The following CSGALNACT1 variants were observed in gnomAD, a reference collection of about 807,000 sequenced individuals.
CSGALNACT1 encodes the protein beta4GalNAcT-1.
CSGALNACT1 carries 52 observed loss-of-function variants against 51.0 expected under a neutral mutation model. That is an observed-to-expected ratio of 1.02 (90% CI 0.82 to 1.29). The LOEUF is 1.29. Ranked by LOEUF, CSGALNACT1 falls within the 50% of genes most tolerant of loss-of-function variation. CSGALNACT1 has a pLI of 0.00. For synonymous variants in CSGALNACT1, 341 were observed against 254.4 expected, an observed-to-expected ratio of 1.34 and a Z score of -3.24; for missense variants, 935 against 679.2, an observed-to-expected ratio of 1.38 and a Z score of -4.19.
intron 1 of CSGALNACT1, among the ~76,000 whole-genome samples, chr8:19,720,391 C>T (rs1325964747): frequency 2.0e-5 from 3 of 152,180 alleles, no homozygotes; most frequent in African/African-American, 7.2e-5. Flanking sequence ...ATGACAAGCA[C>T]ATAAGCCATA....
At chr8:19,485,231 A>T (rs2072572622) in intron 4 of CSGALNACT1, among the ~76,000 whole-genome samples, 1 of 152,138 alleles carries the variant, frequency 6.6e-6, no homozygotes, top group East Asian at 1.9e-4. Context: ...GGTCAATCAC[A>T]ACACACTCTT....
exon 10 of CSGALNACT1, chr8:19,404,312 A>C (rs2053736127): frequency 2.2e-6 from 1 of 453,324 alleles, no homozygotes. Context: ...GCTTTTAAAC[A>C]ATGAGTTTAC....
At chr8:19,559,880 G>A (rs1431256403) in intron 3 of CSGALNACT1, among the ~76,000 whole-genome samples, 1 of 152,204 alleles carries the variant, frequency 6.6e-6, no homozygotes, top group Non-Finnish European at 1.5e-5. Context: ...GTGAGGTGGT[G>A]TGGAACTTGA....
chr8:19,426,952 A>G (rs2058862990), intron 6 of CSGALNACT1, among the ~76,000 whole-genome samples: 1 of 152,240 alleles, frequency 6.6e-6, no homozygotes, highest in Non-Finnish European at 1.5e-5. Context: ...TACATAGAAA[A>G]CTAGTATTAT....
intron 1 of CSGALNACT1, among the ~76,000 whole-genome samples, chr8:19,636,396 G>C (rs1325133127): frequency 1.3e-5 from 2 of 152,126 alleles, no homozygotes; most frequent in Non-Finnish European, 2.9e-5. Flanking sequence ...TGAGAATCTG[G>C]GAGCATATCC....
chr8:19,512,786 A>G (rs1315437493), intron 3 of CSGALNACT1, among the ~76,000 whole-genome samples: 1 of 152,198 alleles, frequency 6.6e-6, no homozygotes, highest in Non-Finnish European at 1.5e-5. Flanking sequence ...ATTCTTGAAC[A>G]ATGGTCATTA....
intron 1 of CSGALNACT1, among the ~76,000 whole-genome samples, chr8:19,668,797 C>A (rs2154196480): frequency 1.3e-5 from 2 of 152,306 alleles, no homozygotes; most frequent in African/African-American, 4.8e-5. Context: ...AGGTGATCCA[C>A]CAGACTAGGC....
intron 6 of CSGALNACT1, 48 bp downstream of exon 5, chr8:19,439,782 T>C: frequency 7.0e-7 from 1 of 1,424,036 alleles, no homozygotes; most frequent in South Asian, 1.1e-5. Flanking sequence ...TGTGTGCTTC[T>C]GAGCTCAGTT....
At chr8:19,680,579 C>CT (rs71205942) in intron 1 of CSGALNACT1, among the ~76,000 whole-genome samples, 4 of 104,690 alleles carry the variant, frequency 3.8e-5, no homozygotes, top group Non-Finnish European at 2.1e-5. Flanking sequence ...CCCCCCCCCC[C>CT]ACAAAAAAAG....
chr8:19,579,753 C>T (rs1399856393), intron 3 of CSGALNACT1, among the ~76,000 whole-genome samples: 4 of 152,168 alleles, frequency 2.6e-5, no homozygotes, highest in Admixed American at 2.6e-4. Context: ...ATGGTATTTG[C>T]CTACCCTCTT....
chr8:19,642,290 G>A (rs546440817), intron 1 of CSGALNACT1, among the ~76,000 whole-genome samples: 1 of 152,264 alleles, frequency 6.6e-6, no homozygotes, highest in East Asian at 1.9e-4. Flanking sequence ...AAGTAAAACG[G>A]TTACAATGAC....
At chr8:19,730,962 A>T (rs1038264494) in intron 1 of CSGALNACT1, among the ~76,000 whole-genome samples, 4 of 152,138 alleles carry the variant, frequency 2.6e-5, no homozygotes, top group Non-Finnish European at 5.9e-5. Flanking sequence ...ACACCCTGGG[A>T]GGAGAGGTGG....
chr8:19,693,771 G>C (rs1296248023), intron 1 of CSGALNACT1, among the ~76,000 whole-genome samples: 2 of 152,030 alleles, frequency 1.3e-5, no homozygotes, highest in African/African-American at 2.4e-5. Flanking sequence ...CAGCTTTCTC[G>C]GGACAAGCCA....
chr8:19,453,952 A>G (rs1321568185), intron 5 of CSGALNACT1, among the ~76,000 whole-genome samples: 3 of 152,156 alleles, frequency 2.0e-5, no homozygotes, highest in Non-Finnish European at 4.4e-5. Flanking sequence ...GGAGGAAACA[A>G]TAGAAGCTGA....
At chr8:19,721,481 G>T (rs1390196979) in intron 1 of CSGALNACT1, among the ~76,000 whole-genome samples, 1 of 152,174 alleles carries the variant, frequency 6.6e-6, no homozygotes, top group Non-Finnish European at 1.5e-5. Flanking sequence ...CATGTATCAG[G>T]GGGAGATAAG....
chr8:19,678,722 G>T (rs983268406), intron 1 of CSGALNACT1: 3 of 152,186 alleles, frequency 2.0e-5, no homozygotes, highest in African/African-American at 7.2e-5. Context: ...AATTCCATAC[G>T]TTTTGACCCA....
intron 8 of CSGALNACT1, among the ~76,000 whole-genome samples, chr8:19,416,775 C>T (rs2056966348): frequency 2.0e-5 from 3 of 152,158 alleles, no homozygotes; most frequent in African/African-American, 7.2e-5. Flanking sequence ...CATAAGTGCG[C>T]TGTATGATGT....
intron 4 of CSGALNACT1, among the ~76,000 whole-genome samples, chr8:19,466,650 G>C (rs1017894363): frequency 4.6e-5 from 7 of 152,202 alleles, no homozygotes; most frequent in African/African-American, 1.7e-4. Context: ...AGGTAAAGTA[G>C]TAAACTTGTG....
chr8:19,649,322 T>C (rs971987373), intron 1 of CSGALNACT1, among the ~76,000 whole-genome samples: 3 of 152,144 alleles, frequency 2.0e-5, no homozygotes, highest in Admixed American at 1.3e-4. Flanking sequence ...GTAGTCACTC[T>C]AAGGAAGGGA....
Sources: gnomAD v4.1 joint callset for allele counts (sites outside exome capture counted in the v4.1 genomes callset) on GRCh38, gnomAD v4.1.1 for gene constraint, MANE v1.5 for transcripts, NCBI Gene and HGNC (gene_info 2026-07-23, HGNC 2026-07-21) for gene names.